Variants in FBLN2 observed in about 807,000 individuals in gnomAD.
FBLN2 encodes fibulin-2.
Under a neutral mutation model 123.7 loss-of-function variants are expected in FBLN2, and 81 were observed. The ratio of observed to expected loss-of-function variants is 0.65; its 90% CI spans 0.55 to 0.79. The LOEUF is 0.79. Among genes scored for constraint, FBLN2 ranks in the 30% least tolerant of loss-of-function variants. The pLI is 0.00. For missense variants in FBLN2, 1,603 were observed against 1,681.3 expected (o/e 0.95, Z 0.81); for synonymous variants, 699 against 701.4 (o/e 1.00, Z 0.05).
chr3:13,550,279 G>T (rs548762009), intron 1 of FBLN2, among the ~76,000 whole-genome samples: 3 of 152,204 alleles, frequency 2.0e-5, no homozygotes, highest in Non-Finnish European at 2.9e-5. Context: ...CATGGGGGTG[G>T]CTCAGCCTCA....
In FBLN2 at chr3:13,570,931, C is replaced by T. The variant is rs1248765639; in HGVS notation, c.576C>T (p.His192=). 2 of 1,612,912 alleles carry T rather than the reference C, an allele frequency of 1.2e-6. No individual in the cohort carries two copies. Among genetic ancestry groups the T allele is most frequent in the Non-Finnish European group, 1.7e-6 (2 of 1,179,610 alleles). ...SDAEEGDPER[H]YEDPYSYDQE... ...CCGAGGAGGGTGACCCCGAGCGACA[C>T]TACGAAGACCCCTACAGCTATGACC... The change falls in exon 2 of 18, where the codon CAC becomes CAT. Residue 192 remains histidine (H), a synonymous_variant. Coordinates refer to ENST00000404922, the MANE Select transcript of FBLN2 (RefSeq NM_001004019.2).
At chr3:13,554,055 A>G (rs1703400218) in intron 1 of FBLN2, among the ~76,000 whole-genome samples, 1 of 152,230 alleles carries the variant, frequency 6.6e-6, no homozygotes, top group African/African-American at 2.4e-5. Flanking sequence ...AGCCTGCATC[A>G]TGAGGGATTT....
At chr3:13,574,899 G>A (rs547480265) in intron 2 of FBLN2, among the ~76,000 whole-genome samples, 1 of 152,220 alleles carries the variant, frequency 6.6e-6, no homozygotes, top group East Asian at 1.9e-4. Context: ...CCCATGCTGC[G>A]TGCACATGGC....
At chr3:13,602,300 G>A (rs1009537498) in intron 2 of FBLN2, among the ~76,000 whole-genome samples, 2 of 152,062 alleles carry the variant, frequency 1.3e-5, no homozygotes, top group South Asian at 2.1e-4. Context: ...TCCATTGAGC[G>A]CCTTGTCTTC....
At chr3:13,565,403 G>A (rs923325408) in intron 1 of FBLN2, among the ~76,000 whole-genome samples, 3 of 152,212 alleles carry the variant, frequency 2.0e-5, no homozygotes, top group Admixed American at 6.5e-5. Flanking sequence ...GTGGCTTGAC[G>A]TCCTCATTGT....
intron 1 of FBLN2, chr3:13,569,106 G>A (rs1703838212): frequency 2.1e-6 from 2 of 967,590 alleles, no homozygotes; most frequent in Non-Finnish European, 2.5e-6. Flanking sequence ...CACAAGTGGG[G>A]CTACAGGCAC....
At chr3:13,600,223 G>A (rs996118335) in intron 2 of FBLN2, among the ~76,000 whole-genome samples, 1 of 152,066 alleles carries the variant, frequency 6.6e-6, no homozygotes, top group African/African-American at 2.4e-5. Context: ...CTCACTCATC[G>A]TGCTGGGCTT....
chr3:13,618,802 G>C (rs997790607), intron 6 of FBLN2, 102 bp from the exon 7 acceptor site: 2 of 757,528 alleles, frequency 2.6e-6, no homozygotes, highest in Admixed American at 2.4e-5. Flanking sequence ...GGGATTAAAT[G>C]TCAGTGCCCT....
chr3:13,609,585 G>T lies in FBLN2; in HGVS notation c.1491G>T (p.Lys497Asn). ...KSCMAGVLGA[K>N]EGETCGAEDN... ...GCATGGCCGGCGTCCTGGGAGCCAA[G>T]GAGGGTGAGACCTGTGGGGCTGAGG... The change falls in exon 4 of 18, where the codon AAG becomes AAT. Residue 497 changes from lysine (K) to asparagine (N), a missense_variant. Transcript: ENST00000404922. 6.4e-7 allele frequency: 1 copy of T among 1,565,908 alleles called. No individual in the cohort carries two copies. The highest frequency in any genetic ancestry group is 8.7e-7 in the Non-Finnish European group (1 of 1,155,164).
intron 16 of FBLN2, among the ~76,000 whole-genome samples, chr3:13,631,816 G>A (rs1302943043): frequency 6.6e-6 from 1 of 152,198 alleles, no homozygotes; most frequent in Non-Finnish European, 1.5e-5. Flanking sequence ...CCGAGTCTCT[G>A]CAGTGTTATG....
intron 16 of FBLN2, among the ~76,000 whole-genome samples, chr3:13,631,785 G>A (rs1403496429): frequency 1.3e-5 from 2 of 152,182 alleles, no homozygotes; most frequent in African/African-American, 2.4e-5. Context: ...CAGAAGAGCC[G>A]CAGGGGTCCC....
intron 17 of FBLN2, 27 bp downstream of exon 17, chr3:13,636,595 C>A: frequency 6.2e-7 from 1 of 1,609,118 alleles, no homozygotes; most frequent in Non-Finnish European, 8.5e-7. Flanking sequence ...CAGTCCCAGT[C>A]CCAGGGAGCC....
At chr3:13,602,910 C>CTT (rs199820446) in intron 2 of FBLN2, among the ~76,000 whole-genome samples, 4 of 148,054 alleles carry the variant, frequency 2.7e-5, no homozygotes, top group African/African-American at 5.0e-5. Context: ...TTCTTTCTTT[C>CTT]TTTCTTTTTT....
intron 1 of FBLN2, among the ~76,000 whole-genome samples, chr3:13,554,770 G>C (rs1703418028): frequency 6.6e-6 from 1 of 152,070 alleles, no homozygotes. Flanking sequence ...GCTTCTACGG[G>C]GACCTGTGCA....
chr3:13,631,812 C>A (rs1706268738), intron 16 of FBLN2, among the ~76,000 whole-genome samples: 1 of 152,192 alleles, frequency 6.6e-6, no homozygotes, highest in Admixed American at 6.5e-5. Context: ...TGTCCCGAGT[C>A]TCTGCAGTGT....
chr3:13,602,293 A>G lies in FBLN2; in HGVS notation c.1307-5769A>G, dbSNP rs192806148. Among the ~76,000 whole-genome samples, 121 of 152,280 alleles carry G rather than the reference A, an allele frequency of 7.9e-4. 1 individual carries two copies. Among genetic ancestry groups the G allele is most frequent in the African/African-American group, 2.3e-3 (95 of 41,550 alleles). On this transcript the variant is annotated intron_variant, in intron 2 of 17. Transcript: ENST00000404922. ...CTGTTTCTGAAGTCTTTTCTCTTCC[A>G]TTGAGCGCCTTGTCTTCTTGTTTTA...
At chr3:13,557,985 A>G (rs908474429) in intron 1 of FBLN2, among the ~76,000 whole-genome samples, 1 of 152,202 alleles carries the variant, frequency 6.6e-6, no homozygotes, top group Non-Finnish European at 1.5e-5. Context: ...CTTGAGCCCA[A>G]CGGTTATACC....
At chr3:13,632,817 G>A (rs138740579) in intron 16 of FBLN2, among the ~76,000 whole-genome samples, 146 of 152,188 alleles carry the variant, frequency 9.6e-4, no homozygotes, top group African/African-American at 3.2e-3. Context: ...AGGTCTTGCT[G>A]GCTGCAAAGC....
intron 16 of FBLN2, among the ~76,000 whole-genome samples, chr3:13,635,498 C>T (rs1436505410): frequency 6.6e-6 from 1 of 152,172 alleles, no homozygotes; most frequent in Non-Finnish European, 1.5e-5. Flanking sequence ...TTCTTTGTCC[C>T]AAATGGGCCT....
Sources: gnomAD v4.1 joint callset for allele counts (sites outside exome capture counted in the v4.1 genomes callset) on GRCh38, gnomAD v4.1.1 for gene constraint, MANE v1.5 for transcripts, NCBI Gene and HGNC (gene_info 2026-07-23, HGNC 2026-07-21) for gene names.